The following PCNX2 variants were observed in gnomAD, a reference collection of about 807,000 sequenced individuals.
PCNX2 encodes the protein pecanex 2, also known as pecanex-like protein 2.
In PCNX2, 168 loss-of-function variants were observed where a neutral mutation model predicts 223.8. The ratio of observed to expected loss-of-function variants is 0.75; its 90% confidence interval spans 0.66 to 0.85. The LOEUF (loss-of-function observed/expected upper bound fraction) is 0.85. PCNX2 is among the 40% of genes least tolerant of loss of function. The probability of loss-of-function intolerance (pLI) is 0.00; values close to 1 mark genes in which losing one functional copy is unlikely to be tolerated. For synonymous variants in PCNX2, 1,006 were observed against 1,052.6 expected (o/e 0.96, Z 0.86); for missense variants, 2,507 against 2,675.5 (o/e 0.94, Z 1.39).
chr1:233,299,631 C>A (rs1662229217), upstream of PCNX2, among the ~76,000 whole-genome samples: 1 of 152,200 alleles, frequency 6.6e-6, no homozygotes, highest in African/African-American at 2.4e-5. Context: ...AGAGCTGAAG[C>A]CTTGAGGACC....
chr1:233,247,126 T>A (rs1659169405), intron 8 of PCNX2, among the ~76,000 whole-genome samples: 1 of 152,242 alleles, frequency 6.6e-6, no homozygotes, highest in Non-Finnish European at 1.5e-5. Flanking sequence ...CTGACGGACA[T>A]AGGACTGACT....
the PCNX2 span, among the ~76,000 whole-genome samples, chr1:233,312,930 A>T: frequency 6.6e-6 from 1 of 152,168 alleles, no homozygotes; most frequent in Non-Finnish European, 1.5e-5. Flanking sequence ...AAAAAAAAAG[A>T]CTAAGCAAAT....
chr1:233,177,503 A>G (rs1558312798), intron 17 of PCNX2, among the ~76,000 whole-genome samples: 1 of 152,176 alleles, frequency 6.6e-6, no homozygotes, highest in Non-Finnish European at 1.5e-5. Context: ...TGTTTGGTGT[A>G]CTCTCATGGC....
chr1:233,017,131 C>T lies in PCNX2; in HGVS notation c.4629G>A (p.Thr1543=), dbSNP rs757432332. Residue 1543 remains threonine, a synonymous_variant, in exon 27 of 34, where the codon ACG becomes ACA. Transcript: ENST00000258229. ...YIKSIIYYMV[T]SPKLLSWIKN... ...TGATCCAGGAGAGGAGTTTGGGAGA[C>T]GTTACCATATAGTATATTATACTCT... is the stretch of plus-strand genomic sequence containing the variant. 1.4e-5 allele frequency: 19 copies of T among 1,327,056 alleles called. No homozygotes were observed. In the East Asian group the frequency reaches 3.2e-4, roughly 22 times the overall value. The allele number at this position is 1,327,056 out of a possible 1,614,324, so 82.2% of individuals were successfully genotyped here. A position where few individuals can be genotyped will look rare whatever the true frequency, so the allele number is the denominator to read the frequency against.
At chr1:233,122,527 CT>C (rs58508596) in intron 21 of PCNX2, among the ~76,000 whole-genome samples, 115 of 145,582 alleles carry the variant, frequency 7.9e-4, no homozygotes, top group South Asian at 7.2e-3. Flanking sequence ...TATTATATAT[CT>C]TTTTTTTTTT....
intron 1 of PCNX2, among the ~76,000 whole-genome samples, chr1:233,290,250 T>C (rs573637916): frequency 5.9e-5 from 9 of 152,288 alleles, no homozygotes; most frequent in African/African-American, 2.2e-4. Context: ...TCAAAATGTA[T>C]ATTTAAATTT....
chr1:233,125,435 G>A (rs779731018), intron 21 of PCNX2, among the ~76,000 whole-genome samples: 33 of 152,052 alleles, frequency 2.2e-4, no homozygotes, highest in Non-Finnish European at 4.4e-4. Context: ...CAATCCCGGC[G>A]GTCTATGCTT....
chr1:233,037,783 G>A (rs1671507239), intron 25 of PCNX2, among the ~76,000 whole-genome samples: 1 of 152,202 alleles, frequency 6.6e-6, no homozygotes, highest in African/African-American at 2.4e-5. Flanking sequence ...ATCCCAAGGA[G>A]CCTCACATTC....
At chr1:233,039,142 T>C (rs534808945) in intron 25 of PCNX2, among the ~76,000 whole-genome samples, 2 of 152,232 alleles carry the variant, frequency 1.3e-5, no homozygotes, top group African/African-American at 2.4e-5. Context: ...AAGAATGAAT[T>C]CTGGTAAAAC....
At chr1:233,311,699 TA>T in the PCNX2 span, among the ~76,000 whole-genome samples, 41 of 151,778 alleles carry the variant, frequency 2.7e-4, no homozygotes, top group Middle Eastern at 3.4e-3. Flanking sequence ...CAAGAAACAA[TA>T]AAAATAAACA....
Position 232,991,738 on chromosome 1 carries a change from C to A in PCNX2, c.5792-5198G>T, listed in dbSNP as rs743196. 4.0e-5 allele frequency among the ~76,000 whole-genome samples: 6 copies of A among 151,768 alleles called. No homozygotes were observed. Among genetic ancestry groups the A allele is most frequent in the African/African-American group, 1.5e-4 (6 of 41,270 alleles). ...GAGGCCGGGGGATGCCTAAGATGGCCGGTGAACCACCACAAGCTAGGGAAG... is the reference window on the plus strand; with the variant it reads ...GAGGCCGGGGGATGCCTAAGATGGCAGGTGAACCACCACAAGCTAGGGAAG... On this transcript the variant is annotated intron_variant, in intron 32 of 33. Coordinates refer to ENST00000258229, the MANE Select transcript of PCNX2 (RefSeq NM_014801.4). This position sits in a 1 kb window ranked among gnomAD's most constrained non-coding sequence, Gnocchi z 4.3.
At chr1:233,168,890 CA>C (rs969876745) in intron 17 of PCNX2, among the ~76,000 whole-genome samples, 4 of 151,398 alleles carry the variant, frequency 2.6e-5, no homozygotes, top group African/African-American at 7.3e-5. Context: ...ATGATGTGTA[CA>C]AAAAAAATGC....
intron 5 of PCNX2, among the ~76,000 whole-genome samples, chr1:233,254,052 A>G (rs3806213): frequency 1.3e-5 from 2 of 152,238 alleles, no homozygotes; most frequent in East Asian, 3.8e-4. Flanking sequence ...GTCTATCAAG[A>G]TCTGCCTAAG....
At chr1:233,032,261 C>T (rs1173498667) in intron 25 of PCNX2, among the ~76,000 whole-genome samples, 1 of 152,110 alleles carries the variant, frequency 6.6e-6, no homozygotes, top group Non-Finnish European at 1.5e-5. Context: ...CGCCACCACA[C>T]CTGGCTAATT....
intron 15 of PCNX2, among the ~76,000 whole-genome samples, chr1:233,182,625 C>A (rs1679868998): frequency 6.6e-6 from 1 of 152,172 alleles, no homozygotes; most frequent in Admixed American, 6.5e-5. Context: ...TCCTTCCTCA[C>A]ATTTAGGATA....
chr1:233,162,063 G>A (rs1275239050), intron 17 of PCNX2, among the ~76,000 whole-genome samples: 1 of 151,190 alleles, frequency 6.6e-6, no homozygotes, highest in African/African-American at 2.4e-5. Context: ...ATTACATGCA[G>A]ACAATGAAAT....
intron 32 of PCNX2, among the ~76,000 whole-genome samples, chr1:232,988,855 C>T (rs571466381): frequency 5.3e-5 from 8 of 152,344 alleles, no homozygotes; most frequent in Admixed American, 5.2e-4. Flanking sequence ...GTTGTCAGGA[C>T]CTAGATGAGG....
Position 233,295,269 on chromosome 1 carries a change from T to C in PCNX2, c.153+57A>G. ...AGGCTGATGGCACGTCTGTGGTTCC[T>C]TTCTCCTTCTTCCCTCCATACCCAC... On this transcript the variant is annotated intron_variant, in intron 1 of 33. Transcript: ENST00000258229. This position sits in a 1 kb window ranked among gnomAD's most constrained non-coding sequence, Gnocchi z 4.1. 1 of 1,553,674 alleles carries C rather than the reference T, an allele frequency of 6.4e-7. No homozygotes were observed. Among genetic ancestry groups the C allele is most frequent in the Non-Finnish European group, 8.7e-7 (1 of 1,147,830 alleles).
At chr1:233,177,704 C>T in intron 17 of PCNX2, 98 bp downstream of exon 17, 1 of 1,025,576 alleles carries the variant, frequency 9.8e-7, no homozygotes, top group Non-Finnish European at 1.5e-6. Context: ...CTGTCCTAGT[C>T]CTTCTCATGT....
Sources: allele counts gnomAD v4.1 joint callset (sites outside exome capture counted in the v4.1 genomes callset), GRCh38; gene constraint gnomAD v4.1.1; non-coding constraint Gnocchi (gnomAD v3.1); transcripts MANE v1.5; gene names NCBI Gene and HGNC (gene_info 2026-07-23, HGNC 2026-07-21).